The following TMEM132C variants were observed in gnomAD, a reference collection of about 807,000 sequenced individuals.
TMEM132C encodes protein phosphatase 1, regulatory subunit 152.
In TMEM132C, 29 loss-of-function variants were observed where a neutral mutation model predicts 61.4. The observed-to-expected ratio is 0.47, with a 90% CI of 0.35 to 0.64. The LOEUF is 0.64. Ranked by LOEUF, TMEM132C falls within the 30% of genes least tolerant of loss-of-function variation. The pLI is 0.00. For synonymous variants in TMEM132C, 656 were observed against 633.1 expected (o/e 1.04, Z -0.54); for missense variants, 1,408 against 1,476.9 (o/e 0.95, Z 0.76).
At chr12:128,368,182 G>A (rs1287406116) in intron 1 of TMEM132C, among the ~76,000 whole-genome samples, 1 of 152,232 alleles carries the variant, frequency 6.6e-6, no homozygotes, top group Non-Finnish European at 1.5e-5. Flanking sequence ...ATCCCCACTA[G>A]CTAGGAGCTT....
At chr12:128,502,703 C>G (rs980780465) in intron 2 of TMEM132C, among the ~76,000 whole-genome samples, 1 of 152,158 alleles carries the variant, frequency 6.6e-6, no homozygotes, top group African/African-American at 2.4e-5. Context: ...TTTGTCTTGA[C>G]CTAGCCAAGG....
At chr12:128,466,188 G>A (rs77503345) in intron 2 of TMEM132C, among the ~76,000 whole-genome samples, 4,716 of 152,180 alleles carry the variant, frequency 0.031, 250 homozygotes, top group African/African-American at 0.11. Context: ...ATGTGTGAAG[G>A]GGAGAGCACA....
chr12:128,305,714 C>T lies in TMEM132C; in HGVS notation c.85+38227C>T, dbSNP rs544775423. On this transcript the variant is annotated intron_variant, in intron 1 of 8. Coordinates refer to ENST00000435159, the MANE Select transcript of TMEM132C (RefSeq NM_001136103.3). ...CAGCAATCTGAAGAACTGCCATTTG[C>T]AAATCGCCTATTTTAAGAAGAACCC... Among the ~76,000 whole-genome samples the T allele has an allele frequency of 2.0e-5, 3 of 152,200 alleles. No individual in the cohort carries two copies. The East Asian group carries it at 5.8e-4, about 29-fold the overall frequency.
At chr12:128,667,117 A>G (rs1055438516) in intron 4 of TMEM132C, among the ~76,000 whole-genome samples, 19 of 152,232 alleles carry the variant, frequency 1.2e-4, no homozygotes, top group African/African-American at 4.1e-4. Context: ...ATAGAGATAT[A>G]TATACATACA....
chr12:128,575,086 A>G (rs1054206356), intron 3 of TMEM132C, among the ~76,000 whole-genome samples: 1 of 152,214 alleles, frequency 6.6e-6, no homozygotes, highest in Non-Finnish European at 1.5e-5. Flanking sequence ...CCTATGCTTT[A>G]TCTTTCTCGG....
At chr12:128,549,417 C>T (rs534677607) in intron 3 of TMEM132C, among the ~76,000 whole-genome samples, 58 of 152,160 alleles carry the variant, frequency 3.8e-4, no homozygotes, top group African/African-American at 1.2e-3. Flanking sequence ...CCCCCCGGCG[C>T]GTCAAAGGGC....
intron 1 of TMEM132C, among the ~76,000 whole-genome samples, chr12:128,401,207 G>A (rs180988081): frequency 7.7e-4 from 117 of 152,242 alleles, no homozygotes; most frequent in African/African-American, 2.7e-3. Context: ...CTTCTAGCCT[G>A]CAAAAACCTA....
chr12:128,361,664 AT>A (rs5801793), intron 1 of TMEM132C, among the ~76,000 whole-genome samples: 127,617 of 148,250 alleles, frequency 0.86, 55,022 homozygotes, highest in South Asian at 0.91. Flanking sequence ...CTTTCTTTTG[AT>A]TTTTTTTTTT....
intron 4 of TMEM132C, among the ~76,000 whole-genome samples, chr12:128,656,717 T>A (rs1231907737): frequency 6.6e-6 from 1 of 152,140 alleles, no homozygotes; most frequent in Non-Finnish European, 1.5e-5. Flanking sequence ...CACCACACTT[T>A]GAGAACCACT....
At chr12:128,321,086 G>GCCAT (rs1872314362) in intron 1 of TMEM132C, among the ~76,000 whole-genome samples, 1 of 150,316 alleles carries the variant, frequency 6.7e-6, no homozygotes, top group African/African-American at 2.4e-5. Flanking sequence ...GAGGAGCCCA[G>GCCAT]CCATGATTTG....
In TMEM132C at chr12:128,460,680, T is replaced by C. The variant is rs138862336; in HGVS notation, c.974+45060T>C. ...GACAAGCCAAAGCTACAGATGTTGG[T>C]CAATGAATGCAAGTTTGCAGGGAGG... is the stretch of plus-strand genomic sequence containing the variant. On this transcript the variant is annotated intron_variant, in intron 2 of 8. Coordinates refer to ENST00000435159, the MANE Select transcript of TMEM132C (RefSeq NM_001136103.3). Among the ~76,000 whole-genome samples, 29 of 152,254 alleles carry C rather than the reference T, an allele frequency of 1.9e-4. No homozygotes were observed. The East Asian group carries it at 5.4e-3, about 28-fold the overall frequency.
At chr12:128,378,115 T>G (rs1355484314) in intron 1 of TMEM132C, among the ~76,000 whole-genome samples, 1 of 47,928 alleles carries the variant, frequency 2.1e-5, no homozygotes, top group East Asian at 3.1e-4. Flanking sequence ...AGCAGTTTTT[T>G]TTTGTTTTTT....
intron 3 of TMEM132C, among the ~76,000 whole-genome samples, chr12:128,597,780 G>T (rs1426811760): frequency 6.6e-6 from 1 of 152,186 alleles, no homozygotes; most frequent in East Asian, 1.9e-4. Context: ...CTAGCAATGT[G>T]ATAGTTTCTG....
At chr12:128,456,352 A>G (rs983560419) in intron 2 of TMEM132C, among the ~76,000 whole-genome samples, 12 of 84,240 alleles carry the variant, frequency 1.4e-4, no homozygotes, top group Admixed American at 1.5e-4. Flanking sequence ...CCTTAATTCT[A>G]TGGTCTGATT....
At chr12:128,394,149 A>G (rs1874861687) in intron 1 of TMEM132C, among the ~76,000 whole-genome samples, 1 of 152,198 alleles carries the variant, frequency 6.6e-6, no homozygotes, top group African/African-American at 2.4e-5. Context: ...AGCTTGTGCA[A>G]GGAAACTCCA....
chr12:128,433,570 CA>C (rs1341319338), intron 2 of TMEM132C, among the ~76,000 whole-genome samples: 1 of 152,044 alleles, frequency 6.6e-6, no homozygotes. Flanking sequence ...TTTCTTATTG[CA>C]AAAAATTAGA....
At chr12:128,308,435 G>A (rs958339453) in intron 1 of TMEM132C, among the ~76,000 whole-genome samples, 96 of 152,210 alleles carry the variant, frequency 6.3e-4, no homozygotes, top group African/African-American at 2.3e-3. Flanking sequence ...GCATTGCACA[G>A]CCGATGGTAT....
chr12:128,640,255 C>T (rs1032623802), intron 4 of TMEM132C, among the ~76,000 whole-genome samples: 4 of 152,180 alleles, frequency 2.6e-5, no homozygotes, highest in Non-Finnish European at 4.4e-5. Flanking sequence ...TTTATGATTT[C>T]TGCTTAGTAG....
chr12:128,509,783 G>A (rs1284339693), intron 2 of TMEM132C, among the ~76,000 whole-genome samples: 1 of 152,192 alleles, frequency 6.6e-6, no homozygotes. Context: ...GTGGACAGGG[G>A]AGGATTTGGT....
Sources: gnomAD v4.1 joint callset for allele counts (sites outside exome capture counted in the v4.1 genomes callset) on GRCh38, gnomAD v4.1.1 for gene constraint, MANE v1.5 for transcripts, NCBI Gene and HGNC (gene_info 2026-07-23, HGNC 2026-07-21) for gene names.